ARHGAP15: variants seen among roughly 807,000 people sequenced by gnomAD.
The protein encoded by ARHGAP15 is rho GTPase-activating protein 15.
A neutral mutation model predicts 63.7 loss-of-function variants in ARHGAP15; 51 were observed. That is an observed-to-expected ratio of 0.80 (90% CI 0.64 to 1.01). The LOEUF (loss-of-function observed/expected upper bound fraction) is 1.01, where lower values mean the gene tolerates loss of function less well. Ranked by LOEUF, ARHGAP15 falls within the 50% of genes least tolerant of loss-of-function variation. ARHGAP15 has a pLI of 0.00. For missense variants in ARHGAP15, 560 were observed against 564.6 expected (o/e 0.99, Z 0.08); for synonymous variants, 191 against 193.8 (o/e 0.99, Z 0.12).
intron 13 of ARHGAP15, among the ~76,000 whole-genome samples, chr2:143,724,050 C>CGTGT (rs201124472): frequency 7.7e-4 from 68 of 88,078 alleles, no homozygotes; most frequent in Middle Eastern, 6.9e-3. Flanking sequence ...TATCCACCTT[C>CGTGT]ATGTGTGTGT....
intron 12 of ARHGAP15, among the ~76,000 whole-genome samples, chr2:143,660,811 A>G (rs1253762178): frequency 6.6e-6 from 1 of 152,240 alleles, no homozygotes; most frequent in African/African-American, 2.4e-5. Context: ...TGGCCAGCAA[A>G]TAACACAAGG....
intron 2 of ARHGAP15, among the ~76,000 whole-genome samples, chr2:143,194,119 T>C (rs1253802975): frequency 6.6e-6 from 1 of 152,212 alleles, no homozygotes; most frequent in African/African-American, 2.4e-5. Context: ...TGGTTAGGAA[T>C]AGGTAGATAA....
At chr2:143,553,767 A>C (rs918092958) in intron 10 of ARHGAP15, among the ~76,000 whole-genome samples, 4 of 152,314 alleles carry the variant, frequency 2.6e-5, no homozygotes. Context: ...AGCACTTCTT[A>C]TATTGTAACA....
chr2:143,200,953 G>A (rs1692090056), intron 2 of ARHGAP15, among the ~76,000 whole-genome samples: 1 of 152,012 alleles, frequency 6.6e-6, no homozygotes, highest in African/African-American at 2.4e-5. Context: ...GTGAAACAAT[G>A]TTTTTGTCAT....
chr2:143,248,879 ATAAT>A (rs1183432168), intron 5 of ARHGAP15, among the ~76,000 whole-genome samples: 6 of 152,226 alleles, frequency 3.9e-5, no homozygotes, highest in African/African-American at 7.2e-5. Flanking sequence ...GCTTCTTAAA[ATAAT>A]TATACCTTTT....
intron 6 of ARHGAP15, among the ~76,000 whole-genome samples, chr2:143,273,563 G>T (rs916412371): frequency 6.6e-6 from 1 of 152,068 alleles, no homozygotes; most frequent in East Asian, 1.9e-4. Flanking sequence ...ATATGAACAG[G>T]CCACTTACTA....
At chr2:143,505,045 C>A (rs1693246426) in intron 9 of ARHGAP15, among the ~76,000 whole-genome samples, 1 of 152,180 alleles carries the variant, frequency 6.6e-6, no homozygotes, top group Admixed American at 6.5e-5. Context: ...TAGCTTCTTT[C>A]CACTGTGTCT....
At chr2:143,758,321 A>G (rs1686650116) in intron 13 of ARHGAP15, among the ~76,000 whole-genome samples, 1 of 151,696 alleles carries the variant, frequency 6.6e-6, no homozygotes, top group Non-Finnish European at 1.5e-5. Flanking sequence ...AGATGGATAG[A>G]TGAGTAGAAA....
At chr2:143,317,862 T>C (rs1026039323) in intron 6 of ARHGAP15, among the ~76,000 whole-genome samples, 6 of 152,216 alleles carry the variant, frequency 3.9e-5, no homozygotes, top group Non-Finnish European at 8.8e-5. Flanking sequence ...GTATTAGGAA[T>C]TTAAAGTATT....
chr2:143,202,462 G>A (rs62171701), intron 3 of ARHGAP15, among the ~76,000 whole-genome samples: 25,563 of 151,962 alleles, frequency 0.17, 2,338 homozygotes, highest in Middle Eastern at 0.24. Context: ...GCTGGGTTCA[G>A]TTCTTCCAGG....
chr2:143,441,893 C>T (rs1461986976), intron 8 of ARHGAP15, among the ~76,000 whole-genome samples: 1 of 152,118 alleles, frequency 6.6e-6, no homozygotes, highest in Non-Finnish European at 1.5e-5. Flanking sequence ...TCTACGTTCT[C>T]TTAATGACAT....
intron 10 of ARHGAP15, among the ~76,000 whole-genome samples, chr2:143,555,522 C>T (rs1369018848): frequency 6.6e-6 from 1 of 151,922 alleles, no homozygotes; most frequent in Non-Finnish European, 1.5e-5. Context: ...TAAGTGTTTC[C>T]CTTTTCGTTT....
At chr2:143,238,447 C>G (rs542598503) in intron 5 of ARHGAP15, 2 of 152,072 alleles carry the variant, frequency 1.3e-5, no homozygotes, top group South Asian at 4.1e-4. Context: ...AAAAAAAGCC[C>G]AACATCATTG....
intron 2 of ARHGAP15, among the ~76,000 whole-genome samples, chr2:143,164,354 A>C (rs889689889): frequency 6.6e-5 from 10 of 152,054 alleles, no homozygotes; most frequent in Non-Finnish European, 1.2e-4. Flanking sequence ...ACATTAATGC[A>C]TGTTACAACT....
intron 7 of ARHGAP15, 99 bp from the exon 8 acceptor site, chr2:143,436,814 T>A (rs923080648): frequency 3.1e-6 from 4 of 1,288,026 alleles, no homozygotes; most frequent in Non-Finnish European, 2.2e-6. Flanking sequence ...ATTACCTTAC[T>A]TCAAATTTCC....
intron 12 of ARHGAP15, among the ~76,000 whole-genome samples, chr2:143,651,123 G>T (rs1195273546): frequency 6.6e-6 from 1 of 151,920 alleles, no homozygotes; most frequent in Admixed American, 6.6e-5. Context: ...ATAAAAATCA[G>T]GGAGCATTTA....
intron 10 of ARHGAP15, among the ~76,000 whole-genome samples, chr2:143,532,020 G>A (rs1392033027): frequency 6.6e-6 from 1 of 152,188 alleles, no homozygotes; most frequent in African/African-American, 2.4e-5. Flanking sequence ...AGGAGACAAT[G>A]CATGTTCACA....
intron 6 of ARHGAP15, among the ~76,000 whole-genome samples, chr2:143,384,605 A>G (rs1241457940): frequency 6.6e-6 from 1 of 152,030 alleles, no homozygotes; most frequent in South Asian, 2.1e-4. Flanking sequence ...TAGTAGGGGA[A>G]TGTAACCCAC....
chr2:143,351,652 G>C (rs765993028), intron 6 of ARHGAP15, among the ~76,000 whole-genome samples: 4 of 152,124 alleles, frequency 2.6e-5, no homozygotes, highest in Non-Finnish European at 5.9e-5. Context: ...TTGGGCATCT[G>C]TAATTATGTT....
Sources: gnomAD v4.1 joint callset for allele counts (sites outside exome capture counted in the v4.1 genomes callset) on GRCh38, gnomAD v4.1.1 for gene constraint, MANE v1.5 for transcripts, NCBI Gene and HGNC (gene_info 2026-07-23, HGNC 2026-07-21) for gene names.